The following ADGRG3 variants were observed in gnomAD, a reference collection of about 807,000 sequenced individuals.
ADGRG3 encodes the protein adhesion G protein-coupled receptor G3, also known as G protein-coupled receptor 97.
A neutral mutation model predicts 54.3 loss-of-function variants in ADGRG3; 39 were observed. The ratio of observed to expected loss-of-function variants is 0.72; its 90% CI spans 0.56 to 0.94. The LOEUF (loss-of-function observed/expected upper bound fraction) is 0.94. Ranked by LOEUF, ADGRG3 falls within the 40% of genes least tolerant of loss-of-function variation. The probability of loss-of-function intolerance (pLI) is 0.00; values close to 1 mark genes in which losing one functional copy is unlikely to be tolerated. For missense variants in ADGRG3, 654 were observed against 694.6 expected (o/e 0.94, Z 0.66); for synonymous variants, 312 against 290.0 (o/e 1.08, Z -0.77).
chr16:57,669,913 C>A (rs952489766), intron 1 of ADGRG3, among the ~76,000 whole-genome samples: 1 of 152,088 alleles, frequency 6.6e-6, no homozygotes, highest in Non-Finnish European at 1.5e-5. Flanking sequence ...GGGCAGGGCA[C>A]GGGGAGCAAG....
At chr16:57,675,206 T>C (rs1485152391) in intron 2 of ADGRG3, among the ~76,000 whole-genome samples, 2 of 151,878 alleles carry the variant, frequency 1.3e-5, no homozygotes, top group Non-Finnish European at 2.9e-5. Context: ...CCAGGCACTG[T>C]GGCTCGTGCC....
At chr16:57,685,494 C>A (rs538270487) in intron 10 of ADGRG3, 149 bp from the exon 11 acceptor site, 1 of 709,556 alleles carries the variant, frequency 1.4e-6, no homozygotes, top group African/African-American at 1.8e-5. Flanking sequence ...AGCCAGGTGA[C>A]GGCCCCTCCC....
intron 10 of ADGRG3, among the ~76,000 whole-genome samples, chr16:57,685,290 G>C (rs1567862041): frequency 6.6e-6 from 1 of 152,240 alleles, no homozygotes; most frequent in Non-Finnish European, 1.5e-5. Context: ...TTAGCGGTCA[G>C]TTACTATCCT....
chr16:57,666,805 C>T (rs191983092), upstream of ADGRG3, among the ~76,000 whole-genome samples: 512 of 152,302 alleles, frequency 3.4e-3, 1 homozygote, highest in African/African-American at 0.012. Flanking sequence ...GGGCTGGCTG[C>T]TCGGAATCTC....
intron 1 of ADGRG3, 42 bp downstream of exon 1, chr16:57,668,447 G>A (rs72793589): frequency 2.8e-5 from 42 of 1,513,714 alleles, no homozygotes; most frequent in South Asian, 1.2e-4. Context: ...ACGCTGGGCC[G>A]ACCCTGCCCT....
In ADGRG3 at chr16:57,685,687, C is replaced by G. The variant is rs1422655220; in HGVS notation, c.1301C>G (p.Thr434Ser). The change falls in exon 11 of 12, where the codon ACC (threonine) becomes AGC (serine). Residue 434 changes from threonine (T) to serine (S), a missense_variant. Physicochemically the swap from Thr to Ser is moderately conservative, Grantham distance 58. Coordinates refer to ENST00000333493, the MANE Select transcript of ADGRG3 (RefSeq NM_170776.5). Reference sequence around the variant, plus strand: ...ACAACCATGTACGCCCTCTATATCACCGTCCACGGCTACTTCCTCATCACC... The same window carrying G: ...ACAACCATGTACGCCCTCTATATCAGCGTCCACGGCTACTTCCTCATCACC... ...EGTTMYALYI[T>S]VHGYFLITFL... 14 of 1,614,108 alleles carry G rather than the reference C, an allele frequency of 8.7e-6. No individual in the cohort carries two copies. The highest frequency in any genetic ancestry group is 1.7e-5 in the Admixed American group (1 of 60,012).
upstream of ADGRG3, chr16:57,668,220 G>T: frequency 1.4e-6 from 1 of 717,142 alleles, no homozygotes. Flanking sequence ...GAGCAGGAAG[G>T]GTGAGAAAGA....
rs935476803 is a variant in ADGRG3 at position 57,678,518 on chromosome 16, G to A, written c.492+202G>A. 7.1e-5 allele frequency: 42 copies of A among 588,606 alleles called. No individual in the cohort carries two copies. The South Asian group carries it at 7.8e-4, about 11-fold the overall frequency. 36.5% of individuals were successfully genotyped at this position (588,606 alleles called of 1,614,324 possible). On this transcript the variant is annotated intron_variant, in intron 4 of 11. Transcript: ENST00000333493. ...GTCTTCAGACTCACACTGGTCACAC[G>A]CTCTCAGATGTTTGACCCCCACACA...
At position 57,679,861 on chromosome 16, in the gene ADGRG3, G is replaced by GC; in HGVS notation, c.667+9dup. On this transcript the variant is annotated splice_region_variant and intron_variant, in intron 6 of 11. Coordinates refer to ENST00000333493, the MANE Select transcript of ADGRG3 (RefSeq NM_170776.5). ...ATTCTGGGATGTGACTAAAGGTAGG[G>GC]CCCGGAGGACCTTCTCTGGGGTAAG... is the stretch of plus-strand genomic sequence containing the variant. The GC allele has an allele frequency of 6.2e-7, 1 of 1,609,492 alleles. No homozygotes were observed. Among genetic ancestry groups the GC allele is most frequent in the Non-Finnish European group, 8.5e-7 (1 of 1,175,924 alleles).
intron 2 of ADGRG3, among the ~76,000 whole-genome samples, chr16:57,674,403 C>T (rs1279089587): frequency 1.3e-5 from 2 of 152,148 alleles, no homozygotes; most frequent in African/African-American, 2.4e-5. Context: ...TTTCCCACTC[C>T]TAATCAAAGT....
At position 57,688,763 on chromosome 16, in the gene ADGRG3, T is replaced by C. The variant is rs558317558; in HGVS notation, c.*302T>C. ...CTCATTGCAAAGCCCTCACTCACCT[T>C]CTGGTCTCAGCAAGGGAGGAGAGTC... is the stretch of plus-strand genomic sequence containing the variant. On this transcript the variant is annotated 3_prime_UTR_variant, in exon 12 of 12. Coordinates refer to ENST00000333493, the MANE Select transcript of ADGRG3 (RefSeq NM_170776.5). 6 of 302,584 alleles carry C rather than the reference T, an allele frequency of 2.0e-5. No individual in the cohort carries two copies. The highest frequency in any genetic ancestry group is 9.7e-5 in the South Asian group (2 of 20,542). 18.7% of individuals were successfully genotyped at this position (302,584 alleles called of 1,614,324 possible). A position where few individuals can be genotyped will look rare whatever the true frequency, so the allele number is the denominator to read the frequency against.
chr16:57,673,427 G>A lies in ADGRG3; in HGVS notation c.165G>A (p.Arg55=), dbSNP rs763179696. The A allele has an allele frequency of 3.4e-5, 54 of 1,611,758 alleles. No individual in the cohort carries two copies. The South Asian group carries it at 5.5e-4, about 16-fold the overall frequency. The change falls in exon 2 of 12, where the codon AGG becomes AGA. Residue 55 remains arginine, a synonymous_variant. Coordinates refer to ENST00000333493, the MANE Select transcript of ADGRG3 (RefSeq NM_170776.5). Reference sequence around the variant, plus strand: ...AGGCTTTGTGCTTCACCAAGTGCAGGCAGTCGGGCAGCGACTCCTGCAATG... The same window carrying A: ...AGGCTTTGTGCTTCACCAAGTGCAGACAGTCGGGCAGCGACTCCTGCAATG... ...NDKALCFTKC[R]QSGSDSCNVE...
At chr16:57,680,675 G>C (rs918588974) in intron 8 of ADGRG3, 58 bp downstream of exon 8, 15 of 1,206,856 alleles carry the variant, frequency 1.2e-5, no homozygotes, top group East Asian at 4.7e-5. Flanking sequence ...GAGGCAGCAG[G>C]GCAGGGTGGG....
At chr16:57,686,287 A>T (rs923652038) in intron 11 of ADGRG3, among the ~76,000 whole-genome samples, 2 of 152,176 alleles carry the variant, frequency 1.3e-5, no homozygotes, top group African/African-American at 4.8e-5. Context: ...CCAGCGTATC[A>T]CATGGCGAGA....
intron 11 of ADGRG3, among the ~76,000 whole-genome samples, chr16:57,686,341 C>T (rs1477591895): frequency 1.3e-5 from 2 of 152,052 alleles, no homozygotes; most frequent in Non-Finnish European, 2.9e-5. Flanking sequence ...TTTTAAACAG[C>T]GAGATCTCGC....
intron 5 of ADGRG3, 49 bp from the exon 6 acceptor site, chr16:57,679,767 C>A (rs9935751): frequency 0.15 from 232,168 of 1,510,042 alleles, 21,054 homozygotes; most frequent in East Asian, 0.39. Flanking sequence ...CCCTGCCCTC[C>A]CCCAAACTTC....
At chr16:57,673,243 C>A in intron 1 of ADGRG3, 78 bp from the exon 2 acceptor site, 1 of 1,410,338 alleles carries the variant, frequency 7.1e-7, no homozygotes, top group Non-Finnish European at 9.9e-7. Context: ...CTCTGGAGCC[C>A]CAGCTCCTTT....
intron 2 of ADGRG3, among the ~76,000 whole-genome samples, chr16:57,673,987 G>A (rs542550599): frequency 6.6e-6 from 1 of 152,336 alleles, no homozygotes; most frequent in South Asian, 2.1e-4. Context: ...GATGCGATGG[G>A]TGGGAGATAG....
chr16:57,667,751 C>T (rs1567848567), upstream of ADGRG3, among the ~76,000 whole-genome samples: 1 of 152,164 alleles, frequency 6.6e-6, no homozygotes, highest in Non-Finnish European at 1.5e-5. Context: ...GCTGCAGGGC[C>T]AGCTCCTGCT....
Sources: allele counts gnomAD v4.1 joint callset (sites outside exome capture counted in the v4.1 genomes callset), GRCh38; gene constraint gnomAD v4.1.1; transcripts MANE v1.5; gene names NCBI Gene and HGNC (gene_info 2026-07-23, HGNC 2026-07-21).